Variants in ADAMTSL1 observed in about 807,000 individuals in gnomAD.
ADAMTSL1 encodes the protein ADAMTS like 1, also known as ADAMTS-like protein 1.
ADAMTSL1 carries 126 observed loss-of-function variants against 201.8 expected under a neutral mutation model. The ratio of observed to expected loss-of-function variants is 0.62; its 90% CI spans 0.54 to 0.72. The LOEUF (loss-of-function observed/expected upper bound fraction) is 0.72, where lower values mean the gene tolerates loss of function less well. Among genes scored for constraint, ADAMTSL1 ranks in the 30% least tolerant of loss-of-function variants. The probability of loss-of-function intolerance (pLI) is 0.00; values close to 1 mark genes in which losing one functional copy is unlikely to be tolerated. For missense variants in ADAMTSL1, 2,679 were observed against 2,277.8 expected, an observed-to-expected ratio of 1.18 and a Z score of -3.59; for synonymous variants, 1,121 against 903.4, an observed-to-expected ratio of 1.24 and a Z score of -4.32.
chr9:18,138,872 C>T (rs78302433), intron 1 of ADAMTSL1, among the ~76,000 whole-genome samples: 4,890 of 152,124 alleles, frequency 0.032, 112 homozygotes, highest in Non-Finnish European at 0.052. Context: ...TGCACCATAG[C>T]CATAAGCCTC....
intron 2 of ADAMTSL1, among the ~76,000 whole-genome samples, chr9:18,296,421 G>T (rs1294763656): frequency 1.3e-5 from 2 of 152,054 alleles, no homozygotes; most frequent in East Asian, 3.8e-4. Context: ...ATGACATGGT[G>T]ATATAAGAGA....
chr9:18,384,921 A>T (rs1030164621), intron 2 of ADAMTSL1, among the ~76,000 whole-genome samples: 1 of 152,172 alleles, frequency 6.6e-6, no homozygotes, highest in Non-Finnish European at 1.5e-5. Context: ...AACATCTTGC[A>T]GAGAACTGCC....
chr9:18,312,919 T>C (rs1432364647), intron 2 of ADAMTSL1, among the ~76,000 whole-genome samples: 2 of 152,230 alleles, frequency 1.3e-5, no homozygotes, highest in Non-Finnish European at 2.9e-5. Flanking sequence ...TTCTGTTCTT[T>C]AGAGTACTAA....
At chr9:18,003,126 G>A (rs931290782) in intron 1 of ADAMTSL1, among the ~76,000 whole-genome samples, 18 of 151,992 alleles carry the variant, frequency 1.2e-4, no homozygotes, top group African/African-American at 4.1e-4. Flanking sequence ...GAGGCTGTGG[G>A]TAGAGAGCCC....
chr9:18,583,960 C>T (rs777548028), intron 4 of ADAMTSL1, among the ~76,000 whole-genome samples: 5 of 152,110 alleles, frequency 3.3e-5, no homozygotes, highest in African/African-American at 7.2e-5. Context: ...GGCTCATAGG[C>T]GGAAGGGACT....
rs73417111 is a variant in ADAMTSL1, at chr9:18,731,801, G to A, written c.2006+10136G>A. ...GCAGGAGCAAGAGGGACAGTGAGGA[G>A]GTGCTACATACTTTTAAATGACCAG... On this transcript the variant is annotated intron_variant, in intron 15 of 28. Transcript: ENST00000380548. Among the ~76,000 whole-genome samples, 1,074 of 152,156 alleles carry A rather than the reference G, an allele frequency of 7.1e-3. 12 individuals are homozygous for A. Among genetic ancestry groups the A allele is most frequent in the African/African-American group, 0.025 (1,026 of 41,498 alleles).
Sources: allele counts gnomAD v4.1 joint callset (sites outside exome capture counted in the v4.1 genomes callset), GRCh38; gene constraint gnomAD v4.1.1; transcripts MANE v1.5; gene names NCBI Gene and HGNC (gene_info 2026-07-23, HGNC 2026-07-21).